The following SGCD variants were observed in gnomAD, a reference collection of about 807,000 sequenced individuals.
SGCD encodes the protein sarcoglycan delta, also known as delta-sarcoglycan.
In SGCD, 18 loss-of-function variants were observed where a neutral mutation model predicts 36.6. The ratio of observed to expected loss-of-function variants is 0.49; its 90% CI spans 0.34 to 0.73. The LOEUF (loss-of-function observed/expected upper bound fraction) is 0.73. SGCD is among the 30% of genes least tolerant of loss of function. SGCD has a pLI of 0.01. For missense variants in SGCD, 387 were observed against 346.7 expected (o/e 1.12, Z -0.92); for synonymous variants, 133 against 130.6 (o/e 1.02, Z -0.12).
chr5:155,902,492 C>CTT (rs199934174), intron 1 of SGCD, among the ~76,000 whole-genome samples: 1 of 151,946 alleles, frequency 6.6e-6, no homozygotes, highest in African/African-American at 2.4e-5. Context: ...AGGTTCGTTA[C>CTT]TTTTTTTTAT....
At chr5:156,002,501 T>A (rs1375289489) in intron 1 of SGCD, among the ~76,000 whole-genome samples, 1 of 152,246 alleles carries the variant, frequency 6.6e-6, no homozygotes, top group African/African-American at 2.4e-5. Context: ...GGCATGCCCA[T>A]TGAAGAGAGA....
At chr5:156,387,072 C>G (rs933714042) in intron 3 of SGCD, among the ~76,000 whole-genome samples, 6 of 152,166 alleles carry the variant, frequency 3.9e-5, no homozygotes, top group Admixed American at 3.9e-4. Context: ...GCATACACTT[C>G]CAAATCAAGA....
chr5:155,729,160 A>C, the SGCD span, among the ~76,000 whole-genome samples: 3 of 152,212 alleles, frequency 2.0e-5, no homozygotes, highest in Non-Finnish European at 4.4e-5. Context: ...AGTTCCCTCC[A>C]TCTCTAAGCC....
the SGCD span, among the ~76,000 whole-genome samples, chr5:155,734,158 T>C: frequency 6.8e-6 from 1 of 147,436 alleles, no homozygotes; most frequent in Non-Finnish European, 1.5e-5. Flanking sequence ...ATAATGTTAC[T>C]GTTATTATAT....
At chr5:156,611,127 C>T (rs1025971494) in intron 6 of SGCD, among the ~76,000 whole-genome samples, 19 of 152,334 alleles carry the variant, frequency 1.2e-4, no homozygotes, top group South Asian at 8.3e-4. Flanking sequence ...CCGTCTTCTG[C>T]GCCACTCACG....
intron 3 of SGCD, among the ~76,000 whole-genome samples, chr5:156,231,397 A>G (rs2127651469): frequency 1.3e-5 from 2 of 152,084 alleles, no homozygotes; most frequent in East Asian, 1.9e-4. Context: ...TTAGCCGGGC[A>G]TGGTGGCACG....
intron 4 of SGCD, among the ~76,000 whole-genome samples, chr5:156,553,063 C>T (rs890926713): frequency 2.0e-4 from 30 of 152,286 alleles, no homozygotes; most frequent in African/African-American, 6.0e-4. Context: ...GAAGGGCAGC[C>T]AGCGTGTGTG....
chr5:155,875,760 C>G (rs1755754629), intron 1 of SGCD, among the ~76,000 whole-genome samples: 1 of 151,476 alleles, frequency 6.6e-6, no homozygotes, highest in African/African-American at 2.4e-5. Flanking sequence ...CTGCCATGTT[C>G]TTTTGAGGAG....
intron 3 of SGCD, among the ~76,000 whole-genome samples, chr5:156,175,707 T>A (rs1763449738): frequency 6.6e-6 from 1 of 152,178 alleles, no homozygotes; most frequent in African/African-American, 2.4e-5. Context: ...GGAAATATAC[T>A]CCAAATAAAT....
At chr5:156,024,972 AG>A (rs1435080375) in intron 1 of SGCD, among the ~76,000 whole-genome samples, 4 of 148,980 alleles carry the variant, frequency 2.7e-5, no homozygotes, top group African/African-American at 7.4e-5. Flanking sequence ...AAAAAAAAAA[AG>A]AAATGGCTAA....
intron 3 of SGCD, among the ~76,000 whole-genome samples, chr5:156,257,406 G>A (rs933757788): frequency 1.8e-4 from 28 of 151,844 alleles, no homozygotes; most frequent in Non-Finnish European, 3.5e-4. Context: ...CCCTGGAGGC[G>A]GAGCTTGCAG....
At chr5:156,670,864 A>G (rs910080764) in intron 7 of SGCD, among the ~76,000 whole-genome samples, 4 of 152,150 alleles carry the variant, frequency 2.6e-5, no homozygotes, top group African/African-American at 9.7e-5. Context: ...GGCTGTCACT[A>G]ACTTGAAGGT....
rs555535577 is a variant in SGCD at position 156,615,821 on chromosome 5, C to T, written c.502+20770C>T. Among the ~76,000 whole-genome samples, 132 of 152,182 alleles carry T rather than the reference C, an allele frequency of 8.7e-4. No individual in the cohort carries two copies. The Middle Eastern group carries it at 0.014, about 16-fold the overall frequency. ...ACAAAGTGCCTATAAAATCCAGCTG[C>T]GGTTGGGTGTAGTGGGAGAGAGAGA... On this transcript the variant is annotated intron_variant, in intron 6 of 8. Transcript: ENST00000337851.
chr5:155,737,659 C>A, the SGCD span, among the ~76,000 whole-genome samples: 3 of 152,098 alleles, frequency 2.0e-5, no homozygotes, highest in African/African-American at 7.2e-5. Context: ...CCATGACAGG[C>A]TAGTGGCAGA....
intron 3 of SGCD, among the ~76,000 whole-genome samples, chr5:156,379,058 CATTT>C (rs902732837): frequency 7.2e-5 from 11 of 152,098 alleles, no homozygotes; most frequent in African/African-American, 2.4e-4. Flanking sequence ...TCACTTTATT[CATTT>C]ATTCTTTTAA....
At chr5:156,465,091 G>A (rs1754662495) in intron 3 of SGCD, among the ~76,000 whole-genome samples, 1 of 152,048 alleles carries the variant, frequency 6.6e-6, no homozygotes, top group Non-Finnish European at 1.5e-5. Context: ...GTACCCAGGG[G>A]CGTGTATGAT....
chr5:156,140,711 T>C (rs932732922), intron 3 of SGCD, among the ~76,000 whole-genome samples: 9 of 152,056 alleles, frequency 5.9e-5, no homozygotes, highest in Admixed American at 5.2e-4. Context: ...ATGCAGAACA[T>C]AAAAATTTGG....
At chr5:156,612,647 A>C (rs1022593209) in intron 6 of SGCD, among the ~76,000 whole-genome samples, 3 of 152,208 alleles carry the variant, frequency 2.0e-5, no homozygotes, top group African/African-American at 7.2e-5. Context: ...TGTTCCACTG[A>C]GCCTAGGCTC....
chr5:156,393,647 AC>A (rs1771701334), intron 3 of SGCD: 1 of 442,248 alleles, frequency 2.3e-6, no homozygotes, highest in Admixed American at 2.4e-5. Context: ...GAGTATTTAC[AC>A]CACAGAAATT....
Sources: gnomAD v4.1 joint callset for allele counts (sites outside exome capture counted in the v4.1 genomes callset) on GRCh38, gnomAD v4.1.1 for gene constraint, MANE v1.5 for transcripts, NCBI Gene and HGNC (gene_info 2026-07-23, HGNC 2026-07-21) for gene names.